Variants in SCAPER observed in about 807,000 individuals in gnomAD.
The protein encoded by SCAPER is S phase cyclin A-associated protein in the endoplasmic reticulum.
A neutral mutation model predicts 182.2 loss-of-function variants in SCAPER; 98 were observed. The observed-to-expected ratio is 0.54, with a 90% confidence interval of 0.46 to 0.64. The LOEUF is 0.64. SCAPER is among the 30% of genes least tolerant of loss of function. SCAPER has a pLI of 0.00. For missense variants in SCAPER, 1,432 were observed against 1,690.0 expected (o/e 0.85, Z 2.68); for synonymous variants, 605 against 564.6 (o/e 1.07, Z -1.01).
chr15:76,447,540 CCAG>C (rs61014265), intron 25 of SCAPER, among the ~76,000 whole-genome samples: 18,228 of 152,008 alleles, frequency 0.12, 1,484 homozygotes, highest in African/African-American at 0.23. Context: ...GTAGAGGCTC[CCAG>C]CAGGTGTTTG....
At chr15:76,669,734 CT>C (rs2056878885) in intron 20 of SCAPER, among the ~76,000 whole-genome samples, 1 of 152,212 alleles carries the variant, frequency 6.6e-6, no homozygotes, top group Non-Finnish European at 1.5e-5. Flanking sequence ...GACTGGCTGA[CT>C]TTACAAGATC....
chr15:76,774,736 A>G (rs1323866864), intron 9 of SCAPER, 119 bp downstream of exon 9: 3 of 1,077,284 alleles, frequency 2.8e-6, no homozygotes, highest in Non-Finnish European at 3.9e-6. Flanking sequence ...CTGTAGGTCT[A>G]TAGACCTGAA....
At chr15:76,719,222 A>C (rs541512906) in intron 17 of SCAPER, among the ~76,000 whole-genome samples, 10 of 152,216 alleles carry the variant, frequency 6.6e-5, no homozygotes, top group African/African-American at 2.4e-4. Context: ...GGAACAAGAC[A>C]TTGTCATTTG....
intron 23 of SCAPER, among the ~76,000 whole-genome samples, chr15:76,522,893 T>C (rs1214966096): frequency 6.6e-6 from 1 of 152,132 alleles, no homozygotes; most frequent in Non-Finnish European, 1.5e-5. Context: ...GATATGTTTC[T>C]GACAAGTGAT....
chr15:76,483,739 T>C (rs1021790314), intron 24 of SCAPER, among the ~76,000 whole-genome samples: 11 of 152,132 alleles, frequency 7.2e-5, no homozygotes, highest in African/African-American at 2.6e-4. Flanking sequence ...TAAATAATCA[T>C]AGAAAAAGAT....
rs71143333 is a variant in SCAPER, at chr15:76,488,714, CTTTTTTTTTTTTT to C, written c.2954+16132_2954+16144del. 2.3e-4 allele frequency among the ~76,000 whole-genome samples: 21 copies of C among 93,138 alleles called. 1 individual carries two copies. The South Asian group carries it at 2.6e-3, about 11-fold the overall frequency. The allele number at this position is 93,138 out of a possible 152,430, so 61.1% of individuals were successfully genotyped here. A position where few individuals can be genotyped will look rare whatever the true frequency, so the allele number is the denominator to read the frequency against. ...TTGCATCCTGATAACAGTACACTGC[CTTTTTTTTTTTTT>C]TTTTTTTTTTTTTTTTGAGACGGAG... On this transcript the variant is annotated intron_variant, in intron 24 of 31. Transcript: ENST00000563290.
chr15:76,867,209 T>G (rs2072362814), intron 2 of SCAPER, among the ~76,000 whole-genome samples: 1 of 152,216 alleles, frequency 6.6e-6, no homozygotes, highest in African/African-American at 2.4e-5. Flanking sequence ...TCCATAAAAC[T>G]TTCTACTTTA....
chr15:76,459,905 C>T (rs2049024538), intron 25 of SCAPER, among the ~76,000 whole-genome samples: 1 of 152,118 alleles, frequency 6.6e-6, no homozygotes, highest in Admixed American at 6.6e-5. Context: ...CCAGTTTTCC[C>T]AGCACCACTT....
At chr15:76,368,758 TAA>T (rs2041967631) in intron 29 of SCAPER, among the ~76,000 whole-genome samples, 1 of 152,212 alleles carries the variant, frequency 6.6e-6, no homozygotes, top group African/African-American at 2.4e-5. Context: ...AGCCAGTTGC[TAA>T]ACAAAATGAG....
intron 14 of SCAPER, among the ~76,000 whole-genome samples, chr15:76,761,767 G>C (rs2062802877): frequency 6.6e-6 from 1 of 151,972 alleles, no homozygotes; most frequent in Admixed American, 6.6e-5. Flanking sequence ...GCTGATTTGG[G>C]GGTAGAAAAT....
intron 21 of SCAPER, among the ~76,000 whole-genome samples, chr15:76,646,220 A>G (rs2054533476): frequency 6.6e-6 from 1 of 152,198 alleles, no homozygotes; most frequent in South Asian, 2.1e-4. Context: ...CGCACGTGGA[A>G]CCCACAGATA....
chr15:76,898,728 G>A (rs1486704033), intron 1 of SCAPER, among the ~76,000 whole-genome samples: 1 of 152,206 alleles, frequency 6.6e-6, no homozygotes, highest in Non-Finnish European at 1.5e-5. Context: ...GAGGGTGGCT[G>A]TAGCTGGAGA....
At chr15:76,498,928 G>A (rs1403927952) in intron 24 of SCAPER, among the ~76,000 whole-genome samples, 1 of 152,100 alleles carries the variant, frequency 6.6e-6, no homozygotes, top group Non-Finnish European at 1.5e-5. Context: ...GCAGATAAAT[G>A]CATATACTGT....
rs376143904 is a variant in SCAPER at position 76,532,313 on chromosome 15, ACCCCTCCCCT to A, written c.2839-27349_2839-27340del. ...CTAATATTCAAACTCCTTTAACATT[ACCCCTCCCCT>A]CCCCTCCCCTTCCTTCCTTCCTTTC... On this transcript the variant is annotated intron_variant, in intron 23 of 31. Transcript: ENST00000563290. Among the ~76,000 whole-genome samples the A allele has an allele frequency of 2.0e-5, 3 of 150,364 alleles. No homozygotes were observed. The South Asian group carries it at 6.4e-4, about 32-fold the overall frequency.
chr15:76,652,315 C>T (rs1389910916), intron 21 of SCAPER, among the ~76,000 whole-genome samples: 12 of 33,080 alleles, frequency 3.6e-4, no homozygotes, highest in Admixed American at 1.4e-3. Flanking sequence ...TATATACACA[C>T]ACACACACAC....
At chr15:76,566,045 G>A (rs1037995241) in intron 23 of SCAPER, among the ~76,000 whole-genome samples, 7 of 152,194 alleles carry the variant, frequency 4.6e-5, no homozygotes, top group Non-Finnish European at 8.8e-5. Context: ...GCAGAACCAC[G>A]GGGTTTGGAA....
chr15:76,846,150 A>T (rs2070059163), intron 4 of SCAPER, among the ~76,000 whole-genome samples: 1 of 152,222 alleles, frequency 6.6e-6, no homozygotes, highest in South Asian at 2.1e-4. Flanking sequence ...TGTATGCAGA[A>T]GAATGAAATT....
At chr15:76,625,030 A>G (rs537157321) in intron 21 of SCAPER, among the ~76,000 whole-genome samples, 1 of 152,230 alleles carries the variant, frequency 6.6e-6, no homozygotes, top group African/African-American at 2.4e-5. Flanking sequence ...TGGCAATGAC[A>G]GGTTGGGTGG....
At chr15:76,894,765 C>A (rs2074340543) in intron 1 of SCAPER, among the ~76,000 whole-genome samples, 1 of 151,980 alleles carries the variant, frequency 6.6e-6, no homozygotes, top group South Asian at 2.1e-4. Context: ...CAATTACATG[C>A]CAACAAATTG....
Sources: gnomAD v4.1 joint callset for allele counts (sites outside exome capture counted in the v4.1 genomes callset) on GRCh38, gnomAD v4.1.1 for gene constraint, MANE v1.5 for transcripts, NCBI Gene and HGNC (gene_info 2026-07-23, HGNC 2026-07-21) for gene names.